SMIM14: variants seen among roughly 807,000 people sequenced by gnomAD.
SMIM14 encodes small integral membrane protein 14.
In SMIM14, 5 loss-of-function variants were observed where a neutral mutation model predicts 12.6. The observed-to-expected ratio is 0.40, with a 90% CI of 0.21 to 0.83. SMIM14 has a LOEUF of 0.83. SMIM14 is among the 40% of genes least tolerant of loss of function. The probability of loss-of-function intolerance (pLI) is 0.37; values close to 1 mark genes in which losing one functional copy is unlikely to be tolerated. For synonymous variants in SMIM14, 30 were observed against 40.1 expected (o/e 0.75, Z 0.95); for missense variants, 86 against 119.1 (o/e 0.72, Z 1.29).
intron 1 of SMIM14, among the ~76,000 whole-genome samples, chr4:39,628,134 C>A (rs1578370205): frequency 6.6e-6 from 1 of 151,820 alleles, no homozygotes; most frequent in Admixed American, 6.6e-5. Flanking sequence ...TGGTGAAACG[C>A]CGCCTCGACT....
chr4:39,619,321 T>C (rs1287509716), intron 1 of SMIM14, among the ~76,000 whole-genome samples: 15 of 61,306 alleles, frequency 2.4e-4, no homozygotes, highest in African/African-American at 1.1e-3. Flanking sequence ...TCAATAAATA[T>C]AATTTATTCT....
At chr4:39,575,749 ATT>A (rs35325470) in intron 2 of SMIM14, among the ~76,000 whole-genome samples, 76,715 of 132,116 alleles carry the variant, frequency 0.58, 22,029 homozygotes, top group Middle Eastern at 0.71. Flanking sequence ...ATGCCCAGCT[ATT>A]TTTTTTTTTT....
At chr4:39,554,654 CTTTTTT>C (rs111326390) in intron 4 of SMIM14, among the ~76,000 whole-genome samples, 55 of 95,194 alleles carry the variant, frequency 5.8e-4, no homozygotes, top group East Asian at 1.9e-3. Flanking sequence ...GGAAATTTTC[CTTTTTT>C]TTTTTTTTTT....
intron 4 of SMIM14, among the ~76,000 whole-genome samples, chr4:39,555,927 GA>G (rs1395910840): frequency 6.6e-6 from 1 of 152,132 alleles, no homozygotes; most frequent in African/African-American, 2.4e-5. Flanking sequence ...TGTGGATTAT[GA>G]AATGGATTAT....
At chr4:39,610,125 G>A (rs1233831019) in intron 1 of SMIM14, among the ~76,000 whole-genome samples, 2 of 151,914 alleles carry the variant, frequency 1.3e-5, no homozygotes, top group Admixed American at 6.6e-5. Context: ...CAAGTAGCTG[G>A]GACCACAGGT....
At chr4:39,594,587 A>C (rs1198895023) in intron 2 of SMIM14, 1 of 148,832 alleles carries the variant, frequency 6.7e-6, no homozygotes, top group Admixed American at 6.7e-5. Context: ...TCTGCACAGC[A>C]AAAGAAACTA....
At chr4:39,614,502 A>C (rs1715150501) in intron 1 of SMIM14, among the ~76,000 whole-genome samples, 1 of 152,060 alleles carries the variant, frequency 6.6e-6, no homozygotes, top group African/African-American at 2.4e-5. Context: ...CTGTATTTTT[A>C]GTAGAGATGG....
At chr4:39,566,359 G>A (rs1312823958) in intron 3 of SMIM14, among the ~76,000 whole-genome samples, 1 of 151,998 alleles carries the variant, frequency 6.6e-6, no homozygotes, top group East Asian at 1.9e-4. Flanking sequence ...CATCCCAGTG[G>A]AAATGCCCAA....
At chr4:39,592,823 G>C (rs1183707690) in intron 2 of SMIM14, 2 of 152,106 alleles carry the variant, frequency 1.3e-5, no homozygotes, top group African/African-American at 4.8e-5. Context: ...TAAATTCCTC[G>C]ACACATACAC....
rs1711689827 is a variant in SMIM14, at chr4:39,551,284, A to G, written c.*842T>C. On this transcript the variant is annotated 3_prime_UTR_variant, in exon 5 of 5. Coordinates refer to ENST00000295958, the MANE Select transcript of SMIM14 (RefSeq NM_174921.3). The stretch of plus-strand genomic sequence containing the variant: ...CAAGAGGCACTCATTTTAAAAATAA[A>G]TTATAGCTTAAATTATTACTATGTG... The G allele has an allele frequency of 6.6e-6, 1 of 152,562 alleles. No individual in the cohort carries two copies. Among genetic ancestry groups the G allele is most frequent in the South Asian group, 2.1e-4 (1 of 4,828 alleles). 9.5% of individuals were successfully genotyped at this position (152,562 alleles called of 1,614,324 possible). A position where few individuals can be genotyped will look rare whatever the true frequency, so the allele number is the denominator to read the frequency against.
At chr4:39,557,614 C>T (rs991579387) in intron 3 of SMIM14, among the ~76,000 whole-genome samples, 7 of 152,110 alleles carry the variant, frequency 4.6e-5, no homozygotes, top group African/African-American at 1.4e-4. Context: ...GCACCTACAT[C>T]CTTCATGATT....
intron 1 of SMIM14, among the ~76,000 whole-genome samples, chr4:39,626,230 C>A (rs1197073252): frequency 6.6e-6 from 1 of 152,098 alleles, no homozygotes; most frequent in Non-Finnish European, 1.5e-5. Context: ...CCCCAGCCCA[C>A]TGAAAAAACT....
chr4:39,586,116 T>A lies in SMIM14; in HGVS notation c.76-13653A>T, dbSNP rs147942424. Reference sequence around the variant, plus strand: ...ATTCTGCAGTTCTCACCCACACAAATCTTATCAAGTGGTTAGTCTACCATA... The same window carrying A: ...ATTCTGCAGTTCTCACCCACACAAAACTTATCAAGTGGTTAGTCTACCATA... On this transcript the variant is annotated intron_variant, in intron 2 of 4. Transcript: ENST00000295958. Among the ~76,000 whole-genome samples, 436 of 152,204 alleles carry A rather than the reference T, an allele frequency of 2.9e-3. 11 individuals carry two copies. Among genetic ancestry groups the A allele is most frequent in the Admixed American group, 0.021 (316 of 15,274 alleles).
chr4:39,591,617 G>A (rs992965785), intron 2 of SMIM14, among the ~76,000 whole-genome samples: 1 of 152,018 alleles, frequency 6.6e-6, no homozygotes, highest in African/African-American at 2.4e-5. Context: ...GTGCAGTGGT[G>A]TGATATCAGA....
At chr4:39,574,241 T>TC (rs1465323659) in intron 2 of SMIM14, among the ~76,000 whole-genome samples, 2 of 142,606 alleles carry the variant, frequency 1.4e-5, no homozygotes, top group Non-Finnish European at 3.0e-5. Flanking sequence ...AACTTTCTTT[T>TC]TTTTTTTTTT....
At chr4:39,570,242 C>A (rs891032050) in intron 3 of SMIM14, among the ~76,000 whole-genome samples, 1 of 152,006 alleles carries the variant, frequency 6.6e-6, no homozygotes, top group Non-Finnish European at 1.5e-5. Context: ...CTTACTGCAA[C>A]CTCTGCCTCC....
chr4:39,610,831 A>C (rs1715006046), intron 1 of SMIM14, among the ~76,000 whole-genome samples: 1 of 152,114 alleles, frequency 6.6e-6, no homozygotes, highest in African/African-American at 2.4e-5. Context: ...TTTATGCATT[A>C]AGACTTCTAA....
At chr4:39,626,362 T>C (rs1208057590) in intron 1 of SMIM14, among the ~76,000 whole-genome samples, 1 of 152,132 alleles carries the variant, frequency 6.6e-6, no homozygotes, top group Non-Finnish European at 1.5e-5. Context: ...TATTACAACT[T>C]TGGAGATACA....
At chr4:39,635,670 C>G (rs1716060410) in intron 1 of SMIM14, among the ~76,000 whole-genome samples, 1 of 152,044 alleles carries the variant, frequency 6.6e-6, no homozygotes, top group Non-Finnish European at 1.5e-5. Context: ...CCAAGAGATG[C>G]AAAATGAAAA....
Sources: allele counts gnomAD v4.1 joint callset (sites outside exome capture counted in the v4.1 genomes callset), GRCh38; gene constraint gnomAD v4.1.1; transcripts MANE v1.5; gene names NCBI Gene and HGNC (gene_info 2026-07-23, HGNC 2026-07-21).